Variants in ANXA8 observed in about 807,000 individuals in gnomAD.
ANXA8 encodes the protein VAC-beta.
Under a neutral mutation model 26.8 loss-of-function variants are expected in ANXA8, and 9 were observed. The ratio of observed to expected loss-of-function variants is 0.34; its 90% confidence interval spans 0.20 to 0.59. The LOEUF (loss-of-function observed/expected upper bound fraction) is 0.59. Ranked by LOEUF, ANXA8 falls within the 20% of genes least tolerant of loss-of-function variation. The pLI is 0.84. For synonymous variants in ANXA8, 39 were observed against 94.8 expected (o/e 0.41, Z 3.42); for missense variants, 83 against 238.5 (o/e 0.35, Z 4.29).
the ANXA8 span, among the ~76,000 whole-genome samples, chr10:47,647,864 TAAC>T: frequency 6.6e-6 from 1 of 151,916 alleles, no homozygotes; most frequent in Admixed American, 6.6e-5. Context: ...GAGAAAAAAG[TAAC>T]AACACTGTGG....
chr10:47,696,354 A>T, the ANXA8 span: 1 of 833,836 alleles, frequency 1.2e-6, no homozygotes, highest in Non-Finnish European at 1.7e-6. Flanking sequence ...GGTTAACCAC[A>T]TTGTGAAGGA....
the ANXA8 span, among the ~76,000 whole-genome samples, chr10:47,896,871 C>T: frequency 6.6e-6 from 1 of 151,954 alleles, no homozygotes; most frequent in African/African-American, 2.4e-5. Context: ...TGAATACCAG[C>T]ACCAAGGAAA....
At chr10:47,553,925 C>T in the ANXA8 span, among the ~76,000 whole-genome samples, 1 of 149,164 alleles carries the variant, frequency 6.7e-6, no homozygotes, top group Non-Finnish European at 1.5e-5. Flanking sequence ...AGTCCACTTC[C>T]TCCTCTGTAA....
the ANXA8 span, among the ~76,000 whole-genome samples, chr10:47,900,696 A>G: frequency 2.6e-4 from 34 of 128,822 alleles, no homozygotes; most frequent in African/African-American, 9.8e-4. Context: ...CAGTAACCAA[A>G]AAGTTAAAAA....
At chr10:47,708,328 G>GAC in the ANXA8 span, among the ~76,000 whole-genome samples, 3 of 135,112 alleles carry the variant, frequency 2.2e-5, no homozygotes, top group Non-Finnish European at 4.9e-5. Flanking sequence ...GCAACAGAGT[G>GAC]ACACCTTGTC....
At chr10:47,905,639 A>G in the ANXA8 span, among the ~76,000 whole-genome samples, 8 of 150,612 alleles carry the variant, frequency 5.3e-5, no homozygotes, top group Non-Finnish European at 2.9e-5. Flanking sequence ...AAGGGAAGCC[A>G]GAAGTTGTTA....
At chr10:47,684,428 G>GGA in the ANXA8 span, among the ~76,000 whole-genome samples, 2 of 151,250 alleles carry the variant, frequency 1.3e-5, no homozygotes, top group African/African-American at 4.9e-5. Flanking sequence ...TTTTTTGGGG[G>GGA]GGGGGTGAGG....
intron 1 of ANXA8, among the ~76,000 whole-genome samples, chr10:47,483,484 C>T (rs1322833230): frequency 1.5e-5 from 2 of 135,878 alleles, no homozygotes; most frequent in African/African-American, 6.1e-5. Flanking sequence ...AAGCTCCCTG[C>T]CCTCTGACCC....
chr10:47,496,661 G>A, the ANXA8 span, among the ~76,000 whole-genome samples: 1 of 142,942 alleles, frequency 7.0e-6, no homozygotes, highest in African/African-American at 2.6e-5. Flanking sequence ...CGTTTTGTAG[G>A]ACTGCAATAA....
At chr10:47,626,901 C>T in the ANXA8 span, among the ~76,000 whole-genome samples, 1 of 149,712 alleles carries the variant, frequency 6.7e-6, no homozygotes, top group Non-Finnish European at 1.5e-5. Context: ...CATTTAAAAA[C>T]GTTCCATTTT....
upstream of ANXA8, chr10:47,487,144 A>C: frequency 7.4e-7 from 1 of 1,349,922 alleles, no homozygotes; most frequent in Middle Eastern, 2.6e-4. Flanking sequence ...ATAAATATGT[A>C]AAATATGTTA....
At chr10:47,772,344 G>A in the ANXA8 span, among the ~76,000 whole-genome samples, 9 of 152,222 alleles carry the variant, frequency 5.9e-5, no homozygotes, top group African/African-American at 1.9e-4. Context: ...AGGAAAAGAA[G>A]GAAAGGAATC....
At chr10:47,620,185 G>A in the ANXA8 span, among the ~76,000 whole-genome samples, 2 of 110,434 alleles carry the variant, frequency 1.8e-5, 1 homozygote, top group Non-Finnish European at 4.0e-5. Flanking sequence ...AAGGCAAGGG[G>A]TGTAGTGAGG....
Position 47,483,904 on chromosome 10 carries a change from C to G in ANXA8, c.21+9G>C. 6.2e-7 allele frequency: 1 copy of G among 1,611,750 alleles called. No individual in the cohort carries two copies. Among genetic ancestry groups the G allele is most frequent in the Non-Finnish European group, 8.5e-7 (1 of 1,179,854 alleles). ...CAGGAACCCAAATCTCCTGCCAGCT[C>G]CCACTTACCCAGGATTTCCACCAGG... On this transcript the variant is annotated intron_variant, in intron 1 of 11. Transcript: ENST00000585281.
At chr10:47,574,155 A>T in the ANXA8 span, among the ~76,000 whole-genome samples, 1 of 29,830 alleles carries the variant, frequency 3.4e-5, no homozygotes, top group Non-Finnish European at 8.7e-5. Context: ...TCGCTTTGTC[A>T]CCCAGACTGG....
chr10:47,495,679 AGG>A, the ANXA8 span, among the ~76,000 whole-genome samples: 1 of 144,546 alleles, frequency 6.9e-6, no homozygotes, highest in Non-Finnish European at 1.5e-5. Flanking sequence ...GAGGAGGAGG[AGG>A]AGGAGGAGGA....
the ANXA8 span, among the ~76,000 whole-genome samples, chr10:47,951,889 T>C: frequency 2.1e-5 from 3 of 144,718 alleles, no homozygotes; most frequent in African/African-American, 2.6e-5. Context: ...AATCTAGGAA[T>C]ATATGTAGAG....
At chr10:47,669,990 C>T in the ANXA8 span, among the ~76,000 whole-genome samples, 3 of 151,862 alleles carry the variant, frequency 2.0e-5, no homozygotes, top group Admixed American at 2.0e-4. Context: ...AAAAGAAACC[C>T]CATACCCATT....
the ANXA8 span, among the ~76,000 whole-genome samples, chr10:47,520,753 C>T: frequency 1.1e-5 from 1 of 95,002 alleles, no homozygotes; most frequent in Non-Finnish European, 1.9e-5. Flanking sequence ...CCCAGCTACT[C>T]AGGAGGCTGA....
Sources: allele counts gnomAD v4.1 joint callset (sites outside exome capture counted in the v4.1 genomes callset), GRCh38; gene constraint gnomAD v4.1.1; transcripts MANE v1.5; gene names NCBI Gene and HGNC (gene_info 2026-07-23, HGNC 2026-07-21).